Variants in RGS7BP observed in about 807,000 individuals in gnomAD.
RGS7BP encodes the protein regulator of G protein signaling 7 binding protein.
Under a neutral mutation model 31.3 loss-of-function variants are expected in RGS7BP, and 9 were observed. That is an observed-to-expected ratio of 0.29 (90% CI 0.17 to 0.50). The LOEUF is 0.50. RGS7BP is among the 20% of genes least tolerant of loss of function. RGS7BP has a pLI of 0.98. For synonymous variants in RGS7BP, 115 were observed against 120.1 expected (o/e 0.96, Z 0.28); for missense variants, 274 against 322.0 (o/e 0.85, Z 1.14).
chr5:64,604,280 G>A lies in RGS7BP; in HGVS notation c.683-4881G>A, dbSNP rs188574190. ...CCCAGCATGAACTCCCAGGGCCTCC[G>A]TGAATCTTCCATAAACATCTTTTTC... On this transcript the variant is annotated intron_variant, in intron 5 of 5. Transcript: ENST00000334025. Among the ~76,000 whole-genome samples, 255 of 152,190 alleles carry A rather than the reference G, an allele frequency of 1.7e-3. 1 individual carries two copies. The highest frequency in any genetic ancestry group is 2.7e-3 in the Non-Finnish European group (184 of 67,996).
chr5:64,550,021 C>T (rs572975928), intron 2 of RGS7BP, among the ~76,000 whole-genome samples: 12 of 152,296 alleles, frequency 7.9e-5, no homozygotes, highest in Admixed American at 6.5e-4. Flanking sequence ...CAAGGATCAT[C>T]TTTCCTGCAG....
chr5:64,526,413 A>G (rs1286529599), intron 2 of RGS7BP, among the ~76,000 whole-genome samples: 1 of 152,186 alleles, frequency 6.6e-6, no homozygotes, highest in East Asian at 1.9e-4. Context: ...CTGCTGAATC[A>G]CTAAATCCTA....
chr5:64,564,518 G>A (rs1377688908), intron 2 of RGS7BP, among the ~76,000 whole-genome samples: 1 of 152,180 alleles, frequency 6.6e-6, no homozygotes, highest in Admixed American at 6.6e-5. Context: ...CACGATTTAT[G>A]AGAAGGGTAC....
At chr5:64,578,190 G>C (rs1742486817) in intron 3 of RGS7BP, among the ~76,000 whole-genome samples, 1 of 152,136 alleles carries the variant, frequency 6.6e-6, no homozygotes, top group Non-Finnish European at 1.5e-5. Context: ...ACTGCCTCCT[G>C]TCTTCACTGT....
chr5:64,522,906 G>A (rs1278097618), intron 2 of RGS7BP, among the ~76,000 whole-genome samples: 1 of 152,122 alleles, frequency 6.6e-6, no homozygotes, highest in Non-Finnish European at 1.5e-5. Flanking sequence ...CTTGCTTCAC[G>A]TGTCAGCATT....
chr5:64,583,215 C>T (rs918634468), intron 3 of RGS7BP, among the ~76,000 whole-genome samples: 3 of 152,038 alleles, frequency 2.0e-5, no homozygotes, highest in Non-Finnish European at 4.4e-5. Context: ...TGGTGAAACC[C>T]TTGTCTCTAG....
intron 3 of RGS7BP, among the ~76,000 whole-genome samples, chr5:64,584,163 C>A (rs898302202): frequency 3.9e-5 from 6 of 152,158 alleles, no homozygotes; most frequent in Non-Finnish European, 5.9e-5. Context: ...AGGATAGTAG[C>A]ACAGTTAGCT....
At chr5:64,558,965 G>T (rs1221912268) in intron 2 of RGS7BP, among the ~76,000 whole-genome samples, 1 of 152,146 alleles carries the variant, frequency 6.6e-6, no homozygotes, top group Admixed American at 6.5e-5. Flanking sequence ...CTTGAACCCT[G>T]TTAAGATGTT....
In RGS7BP at chr5:64,550,708, C is replaced by G. The variant is rs190393640; in HGVS notation, c.333-25066C>G. 6.8e-3 allele frequency among the ~76,000 whole-genome samples: 1,030 copies of G among 150,946 alleles called. 14 individuals carry two copies. Among genetic ancestry groups the G allele is most frequent in the African/African-American group, 0.023 (943 of 40,718 alleles). On this transcript the variant is annotated intron_variant, in intron 2 of 5. Transcript: ENST00000334025. The stretch of plus-strand genomic sequence containing the variant: ...ACTCATCATTTAGCATTAGGTATAT[C>G]TCCTAATGCTATCCCTCCCCCCTCC...
intron 5 of RGS7BP, among the ~76,000 whole-genome samples, chr5:64,602,917 G>T (rs1415875515): frequency 6.6e-6 from 1 of 152,112 alleles, no homozygotes; most frequent in Non-Finnish European, 1.5e-5. Context: ...CTTAGCCAAA[G>T]AAATAGAAAA....
intron 2 of RGS7BP, among the ~76,000 whole-genome samples, chr5:64,516,496 A>G (rs766644170): frequency 3.1e-4 from 47 of 152,154 alleles, no homozygotes; most frequent in Non-Finnish European, 5.4e-4. Flanking sequence ...TCTTCAATTT[A>G]TTCTCTAGAT....
At chr5:64,544,837 C>G (rs765074884) in intron 2 of RGS7BP, among the ~76,000 whole-genome samples, 68 of 152,040 alleles carry the variant, frequency 4.5e-4, no homozygotes, top group South Asian at 2.1e-4. Context: ...AAGAAAATGA[C>G]TAGGCTGAAG....
chr5:64,579,275 A>G (rs6865086), intron 3 of RGS7BP, among the ~76,000 whole-genome samples: 129,521 of 152,118 alleles, frequency 0.85, 55,487 homozygotes, highest in African/African-American at 0.91. Flanking sequence ...GCTGGGCACG[A>G]TGGCTCATGT....
chr5:64,600,239 G>C (rs1743183671), intron 5 of RGS7BP, among the ~76,000 whole-genome samples: 1 of 152,110 alleles, frequency 6.6e-6, no homozygotes, highest in Non-Finnish European at 1.5e-5. Context: ...CTCACATTCA[G>C]CTTTCCTAGA....
intron 5 of RGS7BP, among the ~76,000 whole-genome samples, chr5:64,608,700 AGTTACAT>A (rs1254537737): frequency 3.3e-5 from 5 of 152,060 alleles, no homozygotes; most frequent in African/African-American, 1.2e-4. Context: ...AGCAAGCTTC[AGTTACAT>A]GTTCAAAGTC....
chr5:64,538,417 T>G (rs1741427403), intron 2 of RGS7BP, among the ~76,000 whole-genome samples: 2 of 151,960 alleles, frequency 1.3e-5, no homozygotes, highest in South Asian at 4.2e-4. Flanking sequence ...CCTACTATTT[T>G]GTCTTTGTTT....
chr5:64,541,764 T>C (rs1204092968), intron 2 of RGS7BP, among the ~76,000 whole-genome samples: 1 of 152,094 alleles, frequency 6.6e-6, no homozygotes, highest in Non-Finnish European at 1.5e-5. Flanking sequence ...TTTTCAGTGT[T>C]TTTTTTTACT....
intron 2 of RGS7BP, among the ~76,000 whole-genome samples, chr5:64,540,220 A>G (rs1270015607): frequency 6.6e-6 from 1 of 152,186 alleles, no homozygotes; most frequent in East Asian, 1.9e-4. Context: ...TTACAGGGAA[A>G]ATGCAAAGAA....
intron 2 of RGS7BP, among the ~76,000 whole-genome samples, chr5:64,514,568 G>A (rs1748922469): frequency 6.6e-6 from 1 of 152,130 alleles, no homozygotes; most frequent in African/African-American, 2.4e-5. Context: ...TTTTCTGTAT[G>A]AAATGGATTA....
Sources: gnomAD v4.1 joint callset for allele counts (sites outside exome capture counted in the v4.1 genomes callset) on GRCh38, gnomAD v4.1.1 for gene constraint, MANE v1.5 for transcripts, NCBI Gene and HGNC (gene_info 2026-07-23, HGNC 2026-07-21) for gene names.